STIM1: variants seen among roughly 807,000 people sequenced by gnomAD.
STIM1 encodes stromal interaction molecule 1.
A neutral mutation model predicts 74.7 loss-of-function variants in STIM1; 25 were observed. That is an observed-to-expected ratio of 0.33 (90% CI 0.24 to 0.47). The LOEUF (loss-of-function observed/expected upper bound fraction) is 0.47, where lower values mean the gene tolerates loss of function less well. STIM1 is among the 20% of genes least tolerant of loss of function. The pLI is 1.00. For synonymous variants in STIM1, 328 were observed against 348.8 expected, an observed-to-expected ratio of 0.94 and a Z score of 0.66; for missense variants, 728 against 920.8, an observed-to-expected ratio of 0.79 and a Z score of 2.71.
intron 4 of STIM1, chr11:4,059,046 A>T (rs901888077): frequency 1.1e-5 from 10 of 920,382 alleles, no homozygotes; most frequent in Non-Finnish European, 1.5e-5. Flanking sequence ...CTTAGAGGAT[A>T]GGGTGCTTAG....
chr11:3,863,248 G>A (rs887552447), intron 1 of STIM1, among the ~76,000 whole-genome samples: 2 of 65,606 alleles, frequency 3.0e-5, no homozygotes, highest in African/African-American at 1.5e-4. Flanking sequence ...GTGTGTGTGT[G>A]TGTGTGTGTG....
chr11:3,867,663 A>G (rs1343920319), intron 1 of STIM1, among the ~76,000 whole-genome samples: 1 of 152,202 alleles, frequency 6.6e-6, no homozygotes, highest in African/African-American at 2.4e-5. Context: ...CTTTCCTTCA[A>G]GACGCTGGGG....
At chr11:3,909,652 G>A (rs550518049) in intron 1 of STIM1, among the ~76,000 whole-genome samples, 3 of 151,988 alleles carry the variant, frequency 2.0e-5, no homozygotes, top group South Asian at 4.2e-4. Flanking sequence ...GTGAAACTCC[G>A]TCTCTACTAA....
intron 2 of STIM1, among the ~76,000 whole-genome samples, chr11:4,001,283 G>T (rs2093713898): frequency 6.6e-6 from 1 of 151,464 alleles, no homozygotes; most frequent in African/African-American, 2.4e-5. Flanking sequence ...ACACATAATT[G>T]TCAGATTCAC....
chr11:3,956,188 G>T (rs61897194), intron 1 of STIM1, among the ~76,000 whole-genome samples: 4,564 of 151,770 alleles, frequency 0.03, 174 homozygotes, highest in East Asian at 0.17. Context: ...TGGATATTCA[G>T]CTAGTATGCA....
At chr11:4,001,367 A>G (rs1462838072) in intron 2 of STIM1, among the ~76,000 whole-genome samples, 5 of 152,178 alleles carry the variant, frequency 3.3e-5, no homozygotes, top group Admixed American at 1.3e-4. Context: ...AGGGAAGCCC[A>G]TCAGACTAAC....
At chr11:3,914,130 T>G (rs2092607061) in intron 1 of STIM1, among the ~76,000 whole-genome samples, 1 of 151,238 alleles carries the variant, frequency 6.6e-6, no homozygotes. Flanking sequence ...TAACTCCCCA[T>G]TCCTCCCTCC....
chr11:3,862,321 G>A (rs886541836), intron 1 of STIM1, among the ~76,000 whole-genome samples: 5 of 152,102 alleles, frequency 3.3e-5, no homozygotes, highest in Non-Finnish European at 7.4e-5. Flanking sequence ...TGAGGGGTGG[G>A]AGTTGTGAAG....
intron 1 of STIM1, among the ~76,000 whole-genome samples, chr11:3,899,144 A>G (rs1414417306): frequency 6.6e-6 from 1 of 152,240 alleles, no homozygotes; most frequent in Non-Finnish European, 1.5e-5. Flanking sequence ...CTTCCTACCC[A>G]TGAGCATGGA....
rs145937776 is a variant in STIM1, at chr11:3,921,551, G to A, written c.140-46001G>A. ...CACTGGAGGCCTTGGTAAGATGTGT[G>A]TGCTCCACAGTGGGTACTGTCACAT... On this transcript the variant is annotated intron_variant, in intron 1 of 12. Transcript: ENST00000526596. Among the ~76,000 whole-genome samples the A allele has an allele frequency of 9.5e-3, 1,445 of 152,304 alleles. 12 individuals carry two copies. The highest frequency in any genetic ancestry group is 0.024 in the South Asian group (114 of 4,830).
At chr11:4,039,377 A>G (rs1203966456) in intron 3 of STIM1, among the ~76,000 whole-genome samples, 2 of 152,016 alleles carry the variant, frequency 1.3e-5, no homozygotes, top group Admixed American at 6.6e-5. Flanking sequence ...TCACAAGGTC[A>G]GGAGTTCAAG....
Position 4,084,765 on chromosome 11 carries a change from G to A in STIM1, c.1567G>A (p.Ala523Thr), listed in dbSNP as rs566784149. 8 of 1,289,328 alleles carry A rather than the reference G, an allele frequency of 6.2e-6. No homozygotes were observed. Among genetic ancestry groups the A allele is most frequent in the South Asian group, 4.9e-5 (4 of 81,022 alleles). The allele number at this position is 1,289,328 out of a possible 1,614,324, so 79.9% of individuals were successfully genotyped here. A position where few individuals can be genotyped will look rare whatever the true frequency, so the allele number is the denominator to read the frequency against. ...SDDQSLWKYPAPSLQSSVRQR... is the reference protein window; with the variant it reads ...SDDQSLWKYPTPSLQSSVRQR... ...TGATCAGTCCCTCTGGAAATACCCCGGTTTGAGGAGCCCCTTTGGGGCATT... is the reference window on the plus strand; with the variant it reads ...TGATCAGTCCCTCTGGAAATACCCCAGTTTGAGGAGCCCCTTTGGGGCATT... Residue 523 changes from alanine to threonine, a missense_variant and splice_region_variant, in exon 11 of 13, where the codon GCC (alanine) becomes ACC (threonine). Physicochemically the swap from Ala to Thr is moderately conservative, Grantham distance 58 (BLOSUM62 0). Around this residue, in one of 5 missense-constraint regions of STIM1, gnomAD observed 352 missense variants for 370.1 expected, o/e 0.95. Coordinates refer to ENST00000526596, the MANE Select transcript of STIM1 (RefSeq NM_001382567.1).
chr11:3,882,832 A>T (rs1164102937), intron 1 of STIM1, among the ~76,000 whole-genome samples: 2 of 152,106 alleles, frequency 1.3e-5, no homozygotes, highest in African/African-American at 4.8e-5. Flanking sequence ...TTTTATTATA[A>T]CCATTCTTGT....
At chr11:3,967,808 C>T (rs2093353750) in intron 2 of STIM1, 126 bp downstream of exon 2, 1 of 1,398,506 alleles carries the variant, frequency 7.2e-7, no homozygotes. Flanking sequence ...GGAACTCATC[C>T]CTATCAGGGA....
At chr11:4,035,184 T>G (rs559540655) in intron 3 of STIM1, among the ~76,000 whole-genome samples, 1 of 152,230 alleles carries the variant, frequency 6.6e-6, no homozygotes, top group East Asian at 1.9e-4. Flanking sequence ...GAGACCTTTC[T>G]TCTTTTCTAA....
intron 1 of STIM1, among the ~76,000 whole-genome samples, chr11:3,918,117 T>A (rs775081306): frequency 6.6e-6 from 1 of 152,134 alleles, no homozygotes; most frequent in Non-Finnish European, 1.5e-5. Flanking sequence ...TCTCTCCCCC[T>A]TTGGCTCTGC....
intron 1 of STIM1, among the ~76,000 whole-genome samples, chr11:3,930,054 A>G (rs1337051709): frequency 2.0e-5 from 3 of 152,130 alleles, no homozygotes; most frequent in Non-Finnish European, 4.4e-5. Context: ...GTGTATATAT[A>G]TGAGTAGCCT....
intron 1 of STIM1, among the ~76,000 whole-genome samples, chr11:3,936,774 G>A (rs554611643): frequency 1.3e-5 from 2 of 152,320 alleles, no homozygotes; most frequent in Admixed American, 6.5e-5. Context: ...GGTTGAAGGA[G>A]CCAAGACTGG....
At chr11:3,969,941 G>T (rs2093375478) in intron 2 of STIM1, among the ~76,000 whole-genome samples, 1 of 152,226 alleles carries the variant, frequency 6.6e-6, no homozygotes, top group African/African-American at 2.4e-5. Context: ...CCATGTTCCT[G>T]GGGGTGAATG....
Sources: gnomAD v4.1 joint callset for allele counts (sites outside exome capture counted in the v4.1 genomes callset) on GRCh38, gnomAD v4.1.1 for gene constraint, gnomAD v4.1.1 regional missense constraint, MANE v1.5 for transcripts, NCBI Gene and HGNC (gene_info 2026-07-23, HGNC 2026-07-21) for gene names.